Variants in ESPL1 observed in about 807,000 individuals in gnomAD.
The protein encoded by ESPL1 is extra spindle pole bodies like 1, separase.
ESPL1 carries 50 observed loss-of-function variants against 217.2 expected under a neutral mutation model. The ratio of observed to expected loss-of-function variants is 0.23; its 90% CI spans 0.18 to 0.29. The LOEUF (loss-of-function observed/expected upper bound fraction) is 0.29, where lower values mean the gene tolerates loss of function less well. Ranked by LOEUF, ESPL1 falls within the 10% of genes least tolerant of loss-of-function variation. ESPL1 has a pLI of 1.00. For missense variants in ESPL1, 1,834 were observed against 2,603.0 expected, an observed-to-expected ratio of 0.70 and a Z score of 6.43; for synonymous variants, 994 against 1,081.3, an observed-to-expected ratio of 0.92 and a Z score of 1.58.
Position 53,286,439 on chromosome 12 carries a change from C to G in ESPL1, c.3703C>G (p.Leu1235Val), listed in dbSNP as rs1484907022. The G allele has an allele frequency of 6.2e-7, 1 of 1,614,240 alleles. No homozygotes were observed. The highest frequency in any genetic ancestry group is 1.1e-5 in the South Asian group (1 of 91,088). The change falls in exon 18 of 31, where the codon CTG (leucine) becomes GTG (valine). Residue 1235 changes from leucine to valine, a missense_variant. Around this residue, in one of 5 missense-constraint regions of ESPL1, gnomAD observed 681 missense variants for 808.0 expected, o/e 0.84. Transcript: ENST00000257934. The surrounding 1 kb of genome is among the most constrained non-coding windows in gnomAD (Gnocchi z 5.3). Reference protein sequence around the residue: ...QAYTLLALEGLNQPSNESLQK... With the variant: ...QAYTLLALEGVNQPSNESLQK... ...ATACACACTGTTGGCACTGGAGGGC[C>G]TGAACCAGCCATCAAACGAGAGCCT...
chr12:53,288,165 G>A lies in ESPL1; in HGVS notation c.4370G>A (p.Arg1457Lys), dbSNP rs1479808808. Residue 1457 changes from arginine (R) to lysine (K), a missense_variant, in exon 19 of 31, where the codon AGG (arginine) becomes AAG (lysine). By Grantham distance (26) the Arg-to-Lys change is conservative. This residue lies in a region of ESPL1 where 681 missense variants were observed against 808.0 expected (regional missense o/e 0.84). Transcript: ENST00000257934. The part of the protein sequence containing the change: ...GNPGLNGRSR[R>K]AKKVASRHCE... Reference sequence around the variant, plus strand: ...CCTGGCCTGAATGGCAGGAGCCGGAGGGCCAAGAAGGTGGCATCAAGACAT... The same window carrying A: ...CCTGGCCTGAATGGCAGGAGCCGGAAGGCCAAGAAGGTGGCATCAAGACAT... 1 of 1,612,668 alleles carries A rather than the reference G, an allele frequency of 6.2e-7. No individual in the cohort carries two copies. Among genetic ancestry groups the A allele is most frequent in the Non-Finnish European group, 8.5e-7 (1 of 1,179,618 alleles).
In ESPL1 at chr12:53,277,679, A is replaced by G; in HGVS notation, c.2224+71A>G. The G allele has an allele frequency of 1.9e-6, 3 of 1,587,428 alleles. No homozygotes were observed. In the East Asian group the frequency reaches 6.7e-5, roughly 36 times the overall value. ...AAGAGTGGAACAGGGACCCCTGGTG[A>G]GGGAAACCCTGACCTTGTAGGGTAG... On this transcript the variant is annotated intron_variant, in intron 10 of 30. Transcript: ENST00000257934.
chr12:53,283,419 G>A lies in ESPL1; in HGVS notation c.2958G>A (p.Glu986=), dbSNP rs148254772. 1 of 1,614,204 alleles carries A rather than the reference G, an allele frequency of 6.2e-7. No homozygotes were observed. Among genetic ancestry groups the A allele is most frequent in the East Asian group, 2.2e-5 (1 of 44,886 alleles). ...NLVQKWQVLS[E]VLSCSEKLVC... is the part of the protein sequence containing the mutation. ...TACAAAAATGGCAGGTTCTTTCAGA[G>A]GTGCTGAGCTGCTCAGAGAAGCTGG... is the stretch of plus-strand genomic sequence containing the variant. The change falls in exon 16 of 31, where the codon GAG becomes GAA. Residue 986 remains glutamate, a synonymous_variant. Transcript: ENST00000257934.
Position 53,289,441 on chromosome 12 carries a change from G to T in ESPL1, c.4960G>T (p.Asp1654Tyr). Residue 1654 changes from aspartate (D) to tyrosine (Y), a missense_variant, in exon 22 of 31, where the codon GAC (aspartate) becomes TAC (tyrosine). Asp to Tyr is a radical substitution (Grantham distance 160, BLOSUM62 -3). Transcript: ENST00000257934. ...QKHRGSLEIADQLQGLSLQEM... is the reference protein window; with the variant it reads ...QKHRGSLEIAYQLQGLSLQEM... ...GCACCGAGGATCACTTGAAATAGCAGACCAGCTGCAGGGGCTGAGCCTTCA... is the reference window on the plus strand; with the variant it reads ...GCACCGAGGATCACTTGAAATAGCATACCAGCTGCAGGGGCTGAGCCTTCA... 6.2e-7 allele frequency: 1 copy of T among 1,614,084 alleles called. No individual in the cohort carries two copies. Among genetic ancestry groups the T allele is most frequent in the East Asian group, 2.2e-5 (1 of 44,884 alleles).
In ESPL1 at chr12:53,269,440, A is replaced by G. The variant is rs748226491; in HGVS notation, c.498A>G (p.Ala166=). The G allele has an allele frequency of 1.1e-5, 18 of 1,613,954 alleles. No homozygotes were observed. Among genetic ancestry groups the G allele is most frequent in the Non-Finnish European group, 1.4e-5 (17 of 1,180,032 alleles). ...TGTTGGAACGGCGAGCTGCATTTGCAGCTCGGCTGAAGGCCTTGAGCTTCC... is the reference window on the plus strand; with the variant it reads ...TGTTGGAACGGCGAGCTGCATTTGCGGCTCGGCTGAAGGCCTTGAGCTTCC... ...EALLERRAAF[A]ARLKALSFLV... The change falls in exon 3 of 31, where the codon GCA becomes GCG. Residue 166 remains alanine (A), a synonymous_variant. Transcript: ENST00000257934. The surrounding 1 kb of genome is among the most constrained non-coding windows in gnomAD (Gnocchi z 6.7).
At position 53,290,995 on chromosome 12, in the gene ESPL1, AAGTG is replaced by A; in HGVS notation, c.5520+6_5520+9del. ...AAATATCCTGACCGCACTCTGCTGA[AAGTG>A]AGTGAGGAAAGCAGGGAAGGGGGCC... On this transcript the variant is annotated splice_donor_variant and splice_donor_region_variant and coding_sequence_variant and intron_variant, in exon 25 of 31. Transcript: ENST00000257934. LOFTEE classifies it high-confidence loss of function. 1.3e-6 allele frequency: 2 copies of A among 1,581,594 alleles called. No homozygotes were observed. The highest frequency in any genetic ancestry group is 1.3e-5 in the African/African-American group (1 of 74,302).
intron 6 of ESPL1, among the ~76,000 whole-genome samples, chr12:53,273,513 C>T (rs1290713856): frequency 6.6e-6 from 1 of 151,154 alleles, no homozygotes; most frequent in Non-Finnish European, 1.5e-5. Flanking sequence ...AATTCCAGCA[C>T]TTTGGGAGGC....
Position 53,286,812 on chromosome 12 carries a change from A to G in ESPL1, c.4076A>G (p.His1359Arg), listed in dbSNP as rs1208556088. ...PPDRIRQAGPHVPFTVFEEVC... is the reference protein window; with the variant it reads ...PPDRIRQAGPRVPFTVFEEVC... ...GACCGGATCAGGCAAGCTGGCCCTC[A>G]TGTCCCCTTCACGGTGTTTGAGGAA... The change falls in exon 18 of 31, where the codon CAT becomes CGT. Residue 1359 changes from histidine to arginine, a missense_variant. By Grantham distance (29) the His-to-Arg change is conservative. Transcript: ENST00000257934. The surrounding 1 kb of genome is among the most constrained non-coding windows in gnomAD (Gnocchi z 5.3). 3 of 1,614,098 alleles carry G rather than the reference A, an allele frequency of 1.9e-6. No homozygotes were observed. The South Asian group carries it at 3.3e-5, about 18-fold the overall frequency.
intron 6 of ESPL1, 72 bp downstream of exon 6, chr12:53,272,929 A>G (rs4759086): frequency 0.71 from 1,093,790 of 1,546,818 alleles, 391,167 homozygotes; most frequent in East Asian, 1. Context: ...GAAGGGCCTC[A>G]CCAGCACCCT....
chr12:53,286,537 C>A lies in ESPL1; in HGVS notation c.3801C>A (p.Ser1267Arg). Residue 1267 changes from serine (S) to arginine (R), a missense_variant, in exon 18 of 31, where the codon AGC becomes AGA. Transcript: ENST00000257934. The surrounding 1 kb of genome is among the most constrained non-coding windows in gnomAD (Gnocchi z 5.3). Reference protein sequence around the residue: ...RIPHLEPWRASLLLIWALTKL... With the variant: ...RIPHLEPWRARLLLIWALTKL... The stretch of plus-strand genomic sequence containing the variant: ...CCCACCTAGAGCCCTGGCGAGCCAG[C>A]CTGCTCTTGATTTGGGCCCTCACAA... 6.2e-7 allele frequency: 1 copy of A among 1,614,204 alleles called. No individual in the cohort carries two copies. Among genetic ancestry groups the A allele is most frequent in the Non-Finnish European group, 8.5e-7 (1 of 1,180,034 alleles).
intron 17 of ESPL1, among the ~76,000 whole-genome samples, chr12:53,284,902 C>G (rs1400580584): frequency 6.6e-6 from 1 of 150,550 alleles, no homozygotes; most frequent in Non-Finnish European, 1.5e-5. Context: ...ATCCCAGCTA[C>G]TCAGAAGGCT....
chr12:53,286,991 G>T lies in ESPL1; in HGVS notation c.4176+79G>T. 9.2e-6 allele frequency: 13 copies of T among 1,420,756 alleles called. No individual in the cohort carries two copies. The highest frequency in any genetic ancestry group is 6.7e-6 in the Non-Finnish European group (7 of 1,051,948). The allele number at this position is 1,420,756 out of a possible 1,614,324, so 88.0% of individuals were successfully genotyped here. A position where few individuals can be genotyped will look rare whatever the true frequency, so the allele number is the denominator to read the frequency against. On this transcript the variant is annotated intron_variant, in intron 18 of 30. Transcript: ENST00000257934. This position sits in a 1 kb window ranked among gnomAD's most constrained non-coding sequence, Gnocchi z 5.3. ...TGGAGGAGAGTGTTTTATAGAGCAG[G>T]TGTCCCTGTGGAATAGCTCCCCAGG...
intron 22 of ESPL1, 121 bp downstream of exon 22, chr12:53,289,715 C>A: frequency 1.3e-6 from 1 of 793,096 alleles, no homozygotes; most frequent in Non-Finnish European, 2.0e-6. Context: ...TTATGTCATA[C>A]CTTTTCACCT....
In ESPL1 at chr12:53,283,473, G is replaced by A. The variant is rs1174171339; in HGVS notation, c.3012G>A (p.Val1004=). 2 of 1,614,192 alleles carry A rather than the reference G, an allele frequency of 1.2e-6. No individual in the cohort carries two copies. Among genetic ancestry groups the A allele is most frequent in the Non-Finnish European group, 1.7e-6 (2 of 1,180,028 alleles). Residue 1004 remains valine (V), a synonymous_variant, in exon 16 of 31, where the codon GTG becomes GTA. Coordinates refer to ENST00000257934, the MANE Select transcript of ESPL1 (RefSeq NM_012291.5). ...LVCHLGRLGS[V]SEAKAFCLEA... Reference sequence around the variant, plus strand: ...GCCACCTGGGCCGCCTGGGTAGTGTGAGTGAAGCCAAGGCCTTTTGCTTGG... The same window carrying A: ...GCCACCTGGGCCGCCTGGGTAGTGTAAGTGAAGCCAAGGCCTTTTGCTTGG...
chr12:53,271,031 A>G (rs146700651), intron 5 of ESPL1, among the ~76,000 whole-genome samples: 1 of 152,296 alleles, frequency 6.6e-6, no homozygotes, highest in Non-Finnish European at 1.5e-5. Context: ...CTAACTTGGC[A>G]TTAACAGTTG....
intron 5 of ESPL1, among the ~76,000 whole-genome samples, chr12:53,272,369 G>A (rs1171840309): frequency 6.6e-6 from 1 of 152,134 alleles, no homozygotes; most frequent in Non-Finnish European, 1.5e-5. Context: ...AGGTGGTCAG[G>A]GTAGACCTCA....
At chr12:53,278,939 G>A (rs1431450899) in intron 11 of ESPL1, among the ~76,000 whole-genome samples, 1 of 151,848 alleles carries the variant, frequency 6.6e-6, no homozygotes, top group African/African-American at 2.4e-5. Flanking sequence ...CCAGGCTGGA[G>A]TGCAGTGGCG....
chr12:53,277,205 C>T lies in ESPL1; in HGVS notation c.2063C>T (p.Thr688Ile), dbSNP rs1442835773. 1.2e-6 allele frequency: 2 copies of T among 1,611,110 alleles called. No homozygotes were observed. Among genetic ancestry groups the T allele is most frequent in the Non-Finnish European group, 1.7e-6 (2 of 1,177,468 alleles). ...GCCTTGCTGTGGCTTTACATCTGTA[C>T]TCTGGAAGCCAAAATGCAGGAAGTG... ...AQALLWLYIC[T>I]LEAKMQEGIE... Residue 688 changes from threonine to isoleucine, a missense_variant, in exon 9 of 31, where the codon ACT (threonine) becomes ATT (isoleucine). Thr to Ile is a moderately conservative substitution (Grantham distance 89). Transcript: ENST00000257934.
chr12:53,268,634 G>A, intron 1 of ESPL1, 121 bp from the exon 2 acceptor site: 1 of 635,050 alleles, frequency 1.6e-6, no homozygotes. Flanking sequence ...CCTGGCGTGG[G>A]TTTTCTCCCC....
Sources: allele counts gnomAD v4.1 joint callset (sites outside exome capture counted in the v4.1 genomes callset), GRCh38; gene constraint gnomAD v4.1.1; regional missense constraint gnomAD v4.1.1; non-coding constraint Gnocchi (gnomAD v3.1); transcripts MANE v1.5; gene names NCBI Gene and HGNC (gene_info 2026-07-23, HGNC 2026-07-21).